CNOT6: variants seen among roughly 807,000 people sequenced by gnomAD.
CNOT6 encodes CCR4-NOT transcription complex subunit 6.
CNOT6 carries 12 observed loss-of-function variants against 61.2 expected under a neutral mutation model. That is an observed-to-expected ratio of 0.20 (90% CI 0.13 to 0.32). CNOT6 has a LOEUF of 0.32. CNOT6 is among the 10% of genes least tolerant of loss of function. CNOT6 has a pLI of 1.00. For synonymous variants in CNOT6, 225 were observed against 240.6 expected (o/e 0.94, Z 0.60); for missense variants, 405 against 663.9 (o/e 0.61, Z 4.28).
At chr5:180,564,407 A>T (rs981480451) in intron 4 of CNOT6, 82 bp from the exon 5 acceptor site, 9 of 891,358 alleles carry the variant, frequency 1.0e-5, no homozygotes, top group Non-Finnish European at 3.6e-6. Context: ...GTTATGGATG[A>T]TCTGATAATT....
At chr5:180,557,398 T>C (rs1441755821) in intron 4 of CNOT6, among the ~76,000 whole-genome samples, 2 of 152,116 alleles carry the variant, frequency 1.3e-5, no homozygotes, top group South Asian at 4.1e-4. Flanking sequence ...CAGCATTTGG[T>C]GTTGTGACTG....
At chr5:180,549,479 C>G (rs912000376) in intron 2 of CNOT6, among the ~76,000 whole-genome samples, 1 of 152,016 alleles carries the variant, frequency 6.6e-6, no homozygotes, top group Non-Finnish European at 1.5e-5. Context: ...GAAACCCCGT[C>G]TCTACTAAAA....
At chr5:180,559,739 A>G (rs1760074192) in intron 4 of CNOT6, among the ~76,000 whole-genome samples, 1 of 151,832 alleles carries the variant, frequency 6.6e-6, no homozygotes, top group Non-Finnish European at 1.5e-5. Flanking sequence ...ATTTTTCTGT[A>G]GTGGTTTGAG....
intron 2 of CNOT6, among the ~76,000 whole-genome samples, chr5:180,530,108 T>C (rs989101707): frequency 6.6e-6 from 1 of 152,246 alleles, no homozygotes; most frequent in African/African-American, 2.4e-5. Flanking sequence ...TGTTGGCCTA[T>C]TATGCTTCCC....
At chr5:180,550,215 G>A in intron 3 of CNOT6, 98 bp downstream of exon 3, 1 of 829,284 alleles carries the variant, frequency 1.2e-6, no homozygotes, top group Non-Finnish European at 1.9e-6. Context: ...AGCGTTTTGG[G>A]AGGCTGCGAG....
At chr5:180,558,064 T>C (rs1473883002) in intron 4 of CNOT6, among the ~76,000 whole-genome samples, 1 of 152,222 alleles carries the variant, frequency 6.6e-6, no homozygotes, top group African/African-American at 2.4e-5. Context: ...CATTGATCTA[T>C]GTGTCCATCC....
intron 2 of CNOT6, among the ~76,000 whole-genome samples, chr5:180,538,426 C>A (rs948556892): frequency 6.6e-6 from 1 of 150,654 alleles, no homozygotes; most frequent in Non-Finnish European, 1.5e-5. Flanking sequence ...TGGCTCACGC[C>A]TGTAATCCTA....
chr5:180,572,063 A>G, intron 11 of CNOT6, among the ~76,000 whole-genome samples: 1 of 152,202 alleles, frequency 6.6e-6, no homozygotes, highest in East Asian at 1.9e-4. Flanking sequence ...ATGCAGCACC[A>G]TAATTATCTA....
chr5:180,547,267 C>T (rs1759360976), intron 2 of CNOT6, among the ~76,000 whole-genome samples: 1 of 152,026 alleles, frequency 6.6e-6, no homozygotes, highest in Non-Finnish European at 1.5e-5. Context: ...CGCCTGTATT[C>T]CCAGCACTTT....
rs1474907176 is a variant in CNOT6, at chr5:180,574,057, C to T, written c.1531C>T (p.His511Tyr). The T allele has an allele frequency of 3.1e-6, 5 of 1,613,886 alleles. No individual in the cohort carries two copies. In the South Asian group the frequency reaches 4.4e-5, roughly 14 times the overall value. ...CTTAGGCATCCTGGGCCCTCTGGAC[C>T]ACCACTGGCTGGTTGAGAATAACAT... Reference protein sequence around the residue: ...NTLGILGPLDHHWLVENNISG... With the variant: ...NTLGILGPLDYHWLVENNISG... The change falls in exon 12 of 12, where the codon CAC becomes TAC. Residue 511 changes from histidine (H) to tyrosine (Y), a missense_variant. Coordinates refer to ENST00000261951, the MANE Select transcript of CNOT6 (RefSeq NM_001370472.1).
intron 1 of CNOT6, among the ~76,000 whole-genome samples, chr5:180,496,197 C>T (rs1756606746): frequency 6.6e-6 from 1 of 152,190 alleles, no homozygotes; most frequent in Admixed American, 6.5e-5. Flanking sequence ...GCCAACATGC[C>T]TGGCCATCAC....
chr5:180,508,608 C>G (rs1363869588), intron 1 of CNOT6, among the ~76,000 whole-genome samples: 3 of 151,986 alleles, frequency 2.0e-5, no homozygotes, highest in African/African-American at 7.3e-5. Flanking sequence ...CCACGCCCAG[C>G]CTAGTAAAGT....
chr5:180,555,834 T>C (rs892530506), intron 4 of CNOT6, among the ~76,000 whole-genome samples: 1 of 152,236 alleles, frequency 6.6e-6, no homozygotes, highest in Admixed American at 6.5e-5. Context: ...TATTTCTGCC[T>C]CATGAATCAG....
Position 180,577,141 on chromosome 5 carries a change from TAGGC to T in CNOT6, c.*2944_*2947del, listed in dbSNP as rs1320788276. On this transcript the variant is annotated 3_prime_UTR_variant, in exon 12 of 12. Coordinates refer to ENST00000261951, the MANE Select transcript of CNOT6 (RefSeq NM_001370472.1). ...AGTGCAACTTTCATAGTCCCAAAGA[TAGGC>T]AGAGAACATCTCCAGAAATGTGTGT... 1 of 140,310 alleles carries T rather than the reference TAGGC, an allele frequency of 7.1e-6. No homozygotes were observed. Among genetic ancestry groups the T allele is most frequent in the African/African-American group, 2.6e-5 (1 of 38,632 alleles). The allele number at this position is 140,310 out of a possible 1,614,324, so 8.7% of individuals were successfully genotyped here.
intron 2 of CNOT6, among the ~76,000 whole-genome samples, 189 bp from the exon 3 acceptor site, chr5:180,549,742 A>G (rs1223277708): frequency 1.3e-5 from 2 of 152,174 alleles, no homozygotes; most frequent in Non-Finnish European, 2.9e-5. Context: ...TAACCTGCTA[A>G]GTGAGGAGCT....
chr5:180,548,139 C>T (rs968004509), intron 2 of CNOT6, among the ~76,000 whole-genome samples: 13 of 152,132 alleles, frequency 8.5e-5, no homozygotes, highest in Admixed American at 3.3e-4. Context: ...ACACACTGTA[C>T]AGCTCACCCA....
chr5:180,567,359 A>G, intron 8 of CNOT6, 117 bp downstream of exon 8: 1 of 857,902 alleles, frequency 1.2e-6, no homozygotes, highest in East Asian at 2.7e-5. Context: ...TACTGAAGCA[A>G]AGAATACTGT....
intron 6 of CNOT6, among the ~76,000 whole-genome samples, chr5:180,565,109 A>G (rs999822724): frequency 6.6e-6 from 1 of 152,206 alleles, no homozygotes; most frequent in Admixed American, 6.5e-5. Flanking sequence ...CCCACAACAG[A>G]CTTCACCTGA....
At chr5:180,548,611 G>A (rs1237955707) in intron 2 of CNOT6, among the ~76,000 whole-genome samples, 1 of 152,210 alleles carries the variant, frequency 6.6e-6, no homozygotes, top group Non-Finnish European at 1.5e-5. Context: ...GGAGTAAGCT[G>A]AGACAGTTAT....
Sources: gnomAD v4.1 joint callset for allele counts (sites outside exome capture counted in the v4.1 genomes callset) on GRCh38, gnomAD v4.1.1 for gene constraint, MANE v1.5 for transcripts, NCBI Gene and HGNC (gene_info 2026-07-23, HGNC 2026-07-21) for gene names.